Variants in HEPH observed in about 807,000 individuals in gnomAD.
HEPH encodes hephaestin.
HEPH carries 69 observed loss-of-function variants against 80.8 expected under a neutral mutation model. That is an observed-to-expected ratio of 0.85 (90% confidence interval 0.70 to 1.04). The LOEUF (loss-of-function observed/expected upper bound fraction) is 1.04. HEPH is among the 50% of genes least tolerant of loss of function. The pLI, the probability that HEPH is intolerant of heterozygous loss-of-function variation, is 0.00. For synonymous variants in HEPH, 431 were observed against 322.8 expected (o/e 1.34, Z -3.60); for missense variants, 1,115 against 891.3 (o/e 1.25, Z -3.20).
At chrX:66,197,230 C>T (rs1044750723) in intron 9 of HEPH, among the ~76,000 whole-genome samples, 2 of 109,809 alleles carry the variant, frequency 1.8e-5, no homozygotes, top group African/African-American at 6.6e-5. Context: ...TACACACCCA[C>T]ATGTACATAA....
intron 18 of HEPH, among the ~76,000 whole-genome samples, chrX:66,259,423 T>C (rs1045341691): frequency 1.5e-4 from 17 of 111,637 alleles, no homozygotes; most frequent in Non-Finnish European, 2.8e-4. Context: ...GAGGAAGAGT[T>C]GGGGGCATTG....
upstream of HEPH, chrX:66,164,186 C>T: frequency 2.7e-6 from 2 of 751,980 alleles, no homozygotes; most frequent in African/African-American, 2.3e-5. Flanking sequence ...GTAAAACACC[C>T]GGATATGGGT....
chrX:66,193,296 A>G (rs775701667), intron 7 of HEPH, among the ~76,000 whole-genome samples: 9 of 109,354 alleles, frequency 8.2e-5, no homozygotes, highest in South Asian at 7.9e-4. Context: ...TGAGTTTCCT[A>G]TTTTTGGAAA....
At chrX:66,204,531 A>AATTTTCATTTTCAT (rs1275296924) in intron 13 of HEPH, among the ~76,000 whole-genome samples, 1 of 112,479 alleles carries the variant, frequency 8.9e-6, no homozygotes, top group Non-Finnish European at 1.9e-5. Context: ...ATGAAAACAA[A>AATTTTCATTTTCAT]AATCCATGGA....
At chrX:66,191,718 A>C (rs774900437) in intron 6 of HEPH, among the ~76,000 whole-genome samples, 3 of 111,983 alleles carry the variant, frequency 2.7e-5, no homozygotes, top group Non-Finnish European at 5.6e-5. Context: ...TACCAGCCCC[A>C]TGAGGTGGAT....
In HEPH at chrX:66,260,162, G is replaced by T. The variant is rs1359523153; in HGVS notation, c.3099G>T (p.Glu1033Asp). The T allele has an allele frequency of 1.7e-6, 2 of 1,207,386 alleles. No individual in the cohort carries two copies. The highest frequency in any genetic ancestry group is 2.2e-6 in the Non-Finnish European group (2 of 891,856). Reference protein sequence around the residue: ...DLFPGTFEVVEMVASNPGTWL... With the variant: ...DLFPGTFEVVDMVASNPGTWL... ...TCCCAGGGACTTTTGAGGTTGTGGA[G>T]ATGGTGGCCAGCAACCCTGGGACAT... Residue 1033 changes from glutamate to aspartate, a missense_variant, in exon 19 of 21, where the codon GAG becomes GAT. Glu to Asp is a conservative substitution (Grantham distance 45). Around this residue, in one of 3 missense-constraint regions of HEPH, gnomAD observed 716 missense variants for 523.5 expected, o/e 1.37. Transcript: ENST00000343002.
chrX:66,236,899 A>C (rs1163214744), intron 15 of HEPH, among the ~76,000 whole-genome samples: 1 of 111,372 alleles, frequency 9.0e-6, no homozygotes, highest in Non-Finnish European at 1.9e-5. Flanking sequence ...TGTCTAGTTT[A>C]TGTGCATAGA....
intron 18 of HEPH, among the ~76,000 whole-genome samples, chrX:66,259,379 G>T (rs1420209330): frequency 8.9e-6 from 1 of 111,950 alleles, no homozygotes; most frequent in Non-Finnish European, 1.9e-5. Context: ...GGAACAATAT[G>T]TAGATTTTGA....
intron 15 of HEPH, among the ~76,000 whole-genome samples, chrX:66,224,310 G>A (rs1321547852): frequency 9.1e-6 from 1 of 110,478 alleles, no homozygotes; most frequent in African/African-American, 3.3e-5. Flanking sequence ...ACTTAGAATT[G>A]GTATAGATGA....
chrX:66,224,352 G>A (rs1435951773), intron 15 of HEPH, among the ~76,000 whole-genome samples: 1 of 110,002 alleles, frequency 9.1e-6, no homozygotes, highest in Non-Finnish European at 1.9e-5. Context: ...TTACCTGGGA[G>A]GAACCATTGA....
At chrX:66,177,984 G>A in intron 4 of HEPH, among the ~76,000 whole-genome samples, 1 of 111,377 alleles carries the variant, frequency 9.0e-6, no homozygotes, top group South Asian at 3.8e-4. Flanking sequence ...TAGGGTACAT[G>A]TGCACAACGT....
At chrX:66,259,736 TCTCA>T (rs1243712422) in intron 18 of HEPH, among the ~76,000 whole-genome samples, 1 of 99,906 alleles carries the variant, frequency 1.0e-5, no homozygotes, top group African/African-American at 3.7e-5. Flanking sequence ...TGAGATGGAG[TCTCA>T]CTCTGTCATC....
intron 15 of HEPH, among the ~76,000 whole-genome samples, chrX:66,231,639 C>T (rs1368322729): frequency 6.7e-4 from 73 of 109,642 alleles, no homozygotes; most frequent in African/African-American, 2.4e-3. Flanking sequence ...TATCCTGAGA[C>T]TTTGCTGAAG....
intron 16 of HEPH, among the ~76,000 whole-genome samples, chrX:66,255,797 G>A (rs1205812818): frequency 9.0e-6 from 1 of 111,536 alleles, no homozygotes; most frequent in Non-Finnish European, 1.9e-5. Context: ...TGATGATGGA[G>A]AGGGCATTGC....
At chrX:66,180,458 G>A (rs1024294601) in intron 4 of HEPH, among the ~76,000 whole-genome samples, 1 of 111,206 alleles carries the variant, frequency 9.0e-6, no homozygotes, top group Admixed American at 9.6e-5. Context: ...AGCTTGTAGA[G>A]TTTCTGCTGA....
chrX:66,192,344 G>A, intron 7 of HEPH, 46 bp downstream of exon 7: 2 of 1,062,204 alleles, frequency 1.9e-6, no homozygotes, highest in Non-Finnish European at 2.6e-6. Flanking sequence ...AATTGGTCCA[G>A]CTCCAAACAT....
At position 66,256,281 on chromosome X, in the gene HEPH, C is replaced by T; in HGVS notation, c.2847C>T (p.Gly949=). Residue 949 remains glycine, a synonymous_variant, in exon 17 of 21, where the codon GGC becomes GGT. Coordinates refer to ENST00000343002, the MANE Select transcript of HEPH (RefSeq NM_001367233.3). The part of the protein sequence containing the change: ...NVATHGSQDP[G]SINLQDETFL... ...CAACCCATGGGTCCCAGGATCCAGG[C>T]AGTATTAACCTACAGGATGAAACTT... The T allele has an allele frequency of 8.3e-7, 1 of 1,210,272 alleles. No homozygotes were observed. The highest frequency in any genetic ancestry group is 1.1e-6 in the Non-Finnish European group (1 of 894,424).
At chrX:66,192,665 C>G (rs12559746) in intron 7 of HEPH, among the ~76,000 whole-genome samples, 1 of 111,961 alleles carries the variant, frequency 8.9e-6, no homozygotes, top group Admixed American at 9.5e-5. Context: ...TTATTTACCT[C>G]CTTGCTCCTT....
rs181502346 is a variant in HEPH at position 66,259,484 on chromosome X, C to T, written c.3036+505C>T. Reference sequence around the variant, plus strand: ...CTGAAAAAGACAATGGCAAAGATAACTTTATTTGAATCAATTTCTAAAGGA... The same window carrying T: ...CTGAAAAAGACAATGGCAAAGATAATTTTATTTGAATCAATTTCTAAAGGA... On this transcript the variant is annotated intron_variant, in intron 18 of 20. Coordinates refer to ENST00000343002, the MANE Select transcript of HEPH (RefSeq NM_001367233.3). 3.3e-3 allele frequency among the ~76,000 whole-genome samples: 364 copies of T among 111,890 alleles called. 3 individuals carry two copies. The highest frequency in any genetic ancestry group is 0.011 in the African/African-American group (331 of 30,828).
Sources: allele counts gnomAD v4.1 joint callset (sites outside exome capture counted in the v4.1 genomes callset), GRCh38; gene constraint gnomAD v4.1.1; regional missense constraint gnomAD v4.1.1; transcripts MANE v1.5; gene names NCBI Gene and HGNC (gene_info 2026-07-23, HGNC 2026-07-21).